Variants in ARFGEF1 observed in about 807,000 individuals in gnomAD.
ARFGEF1 encodes the protein brefeldin A-inhibited guanine nucleotide-exchange protein 1.
A neutral mutation model predicts 231.0 loss-of-function variants in ARFGEF1; 42 were observed. That is an observed-to-expected ratio of 0.18 (90% CI 0.14 to 0.24). The LOEUF is 0.24. ARFGEF1 is among the 10% of genes least tolerant of loss of function. The pLI is 1.00. For synonymous variants in ARFGEF1, 710 were observed against 732.3 expected, an observed-to-expected ratio of 0.97 and a Z score of 0.49; for missense variants, 1,345 against 2,192.0, an observed-to-expected ratio of 0.61 and a Z score of 7.72.
At chr8:67,324,119 T>C (rs1006538639) in intron 1 of ARFGEF1, among the ~76,000 whole-genome samples, 2 of 152,170 alleles carry the variant, frequency 1.3e-5, no homozygotes, top group East Asian at 1.9e-4. Flanking sequence ...CTTTTCAATA[T>C]GCCAATCAGA....
intron 10 of ARFGEF1, among the ~76,000 whole-genome samples, chr8:67,269,948 T>A (rs1432487583): frequency 6.6e-6 from 1 of 152,194 alleles, no homozygotes; most frequent in Non-Finnish European, 1.5e-5. Flanking sequence ...TATATTTTAC[T>A]GTCGGTAAAC....
chr8:67,326,431 A>G (rs1388500724), intron 1 of ARFGEF1, among the ~76,000 whole-genome samples: 3 of 152,224 alleles, frequency 2.0e-5, no homozygotes, highest in Admixed American at 1.3e-4. Flanking sequence ...CTCTTGAATT[A>G]GCTTTCCATA....
chr8:67,300,555 A>G (rs1168072810), intron 3 of ARFGEF1, among the ~76,000 whole-genome samples: 3 of 151,208 alleles, frequency 2.0e-5, no homozygotes, highest in East Asian at 3.9e-4. Flanking sequence ...ACAGTGGCTC[A>G]CGCCTGTAAT....
chr8:67,243,770 C>G (rs1201131413), intron 19 of ARFGEF1, among the ~76,000 whole-genome samples: 1 of 152,114 alleles, frequency 6.6e-6, no homozygotes, highest in African/African-American at 2.4e-5. Flanking sequence ...GAACTAAATA[C>G]CAGGGACCAA....
chr8:67,219,704 T>A, intron 29 of ARFGEF1, 144 bp from the exon 30 acceptor site: 2 of 831,636 alleles, frequency 2.4e-6, no homozygotes, highest in Non-Finnish European at 3.5e-6. Context: ...TTTTAAAAAA[T>A]TTAAGTTGTA....
At chr8:67,227,622 G>C (rs370122290) in intron 25 of ARFGEF1, 24 bp from the exon 26 acceptor site, 1 of 1,601,548 alleles carries the variant, frequency 6.2e-7, no homozygotes, top group African/African-American at 1.3e-5. Flanking sequence ...AGAAATAAAC[G>C]ATGCTAATTA....
intron 34 of ARFGEF1, among the ~76,000 whole-genome samples, chr8:67,209,827 G>A (rs1198437045): frequency 2.6e-5 from 4 of 152,086 alleles, no homozygotes; most frequent in Non-Finnish European, 4.4e-5. Flanking sequence ...AGGTTGGGGT[G>A]CAGTGTGGAG....
chr8:67,334,642 T>C (rs1205391949), intron 1 of ARFGEF1, among the ~76,000 whole-genome samples: 1 of 152,202 alleles, frequency 6.6e-6, no homozygotes, highest in African/African-American at 2.4e-5. Flanking sequence ...CATGGCAGTA[T>C]TATTCATTCA....
chr8:67,282,847 CAA>C (rs113498447), intron 7 of ARFGEF1, among the ~76,000 whole-genome samples: 6 of 116,276 alleles, frequency 5.2e-5, no homozygotes, highest in Admixed American at 9.0e-5. Flanking sequence ...GACTTCATCT[CAA>C]AAAAAAAAAA....
intron 1 of ARFGEF1, among the ~76,000 whole-genome samples, chr8:67,341,801 C>T (rs747328215): frequency 2.0e-5 from 3 of 152,140 alleles, no homozygotes; most frequent in Non-Finnish European, 4.4e-5. Context: ...TTCTCATACA[C>T]CGGGAACAGT....
At chr8:67,238,709 C>T (rs1839842544) in intron 21 of ARFGEF1, 26 bp downstream of exon 21, 3 of 1,605,844 alleles carry the variant, frequency 1.9e-6, no homozygotes, top group Admixed American at 1.7e-5. Flanking sequence ...AACCAAATTG[C>T]AAAGTTGAAA....
At chr8:67,232,815 ATAG>A in intron 23 of ARFGEF1, 37 bp downstream of exon 23, 2 of 1,465,110 alleles carry the variant, frequency 1.4e-6, no homozygotes, top group South Asian at 2.5e-5. Flanking sequence ...AAGAACTGAA[ATAG>A]TAATCATCTG....
At chr8:67,204,879 AT>A (rs1434156841) in intron 34 of ARFGEF1, 60 bp from the exon 35 acceptor site, 2 of 1,580,074 alleles carry the variant, frequency 1.3e-6, no homozygotes, top group Non-Finnish European at 1.7e-6. Context: ...ATCCTTTATA[AT>A]TTCCATGATA....
chr8:67,303,149 A>C (rs556037196), intron 1 of ARFGEF1, among the ~76,000 whole-genome samples: 1 of 152,256 alleles, frequency 6.6e-6, no homozygotes, highest in African/African-American at 2.4e-5. Context: ...GCTATAATGA[A>C]GTCACAAAAT....
rs115594020 is a variant in ARFGEF1, at chr8:67,299,953, T to G, written c.313-598A>C. ...CACTGCACTCCAACGTAGGTGACAG[T>G]GAGACCTTGTCACAAAAAAAAACAA... On this transcript the variant is annotated intron_variant, in intron 3 of 38. Coordinates refer to ENST00000262215, the MANE Select transcript of ARFGEF1 (RefSeq NM_006421.5). 8.6e-3 allele frequency among the ~76,000 whole-genome samples: 1,305 copies of G among 151,786 alleles called. 16 individuals carry two copies. The highest frequency in any genetic ancestry group is 0.03 in the African/African-American group (1,229 of 41,404).
chr8:67,253,010 G>A (rs1472034972), intron 18 of ARFGEF1, among the ~76,000 whole-genome samples: 3 of 152,094 alleles, frequency 2.0e-5, no homozygotes, highest in South Asian at 4.1e-4. Flanking sequence ...TCCCTGCTGA[G>A]GTTAACTACT....
chr8:67,289,081 G>C (rs976480081), intron 6 of ARFGEF1, among the ~76,000 whole-genome samples: 2 of 152,118 alleles, frequency 1.3e-5, no homozygotes, highest in African/African-American at 4.8e-5. Flanking sequence ...AGAAAAATAG[G>C]AATTCCACTG....
chr8:67,207,161 C>A (rs1024374550), intron 34 of ARFGEF1: 1 of 152,162 alleles, frequency 6.6e-6, no homozygotes, highest in South Asian at 2.1e-4. Flanking sequence ...ACAGTGACAG[C>A]GGCATGGGCA....
chr8:67,205,048 A>G (rs1049879253), intron 34 of ARFGEF1, among the ~76,000 whole-genome samples: 2 of 152,228 alleles, frequency 1.3e-5, no homozygotes, highest in African/African-American at 4.8e-5. Flanking sequence ...ATAATTTAGA[A>G]CAAGCTTGTC....
Sources: allele counts gnomAD v4.1 joint callset (sites outside exome capture counted in the v4.1 genomes callset), GRCh38; gene constraint gnomAD v4.1.1; transcripts MANE v1.5; gene names NCBI Gene and HGNC (gene_info 2026-07-23, HGNC 2026-07-21).